Variants in CRPPA observed in about 807,000 individuals in gnomAD.
CRPPA encodes the protein CDP-L-ribitol pyrophosphorylase A.
A neutral mutation model predicts 52.0 loss-of-function variants in CRPPA; 43 were observed. The observed-to-expected ratio is 0.83, with a 90% CI of 0.65 to 1.07. CRPPA has a LOEUF of 1.07. CRPPA is among the 50% of genes least tolerant of loss of function. CRPPA has a pLI of 0.00. For missense variants in CRPPA, 629 were observed against 551.7 expected (o/e 1.14, Z -1.40); for synonymous variants, 250 against 203.5 (o/e 1.23, Z -1.94).
chr7:16,403,167 T>G (rs1787866597), intron 2 of CRPPA, among the ~76,000 whole-genome samples: 1 of 152,126 alleles, frequency 6.6e-6, no homozygotes, highest in South Asian at 2.1e-4. Context: ...GACTTAGAAT[T>G]TTATACCCAG....
chr7:16,421,028 C>A, intron 1 of CRPPA, 38 bp downstream of exon 1: 1 of 1,263,848 alleles, frequency 7.9e-7, no homozygotes. Context: ...GGAGGCCGGG[C>A]CCCAGGGAAC....
intron 8 of CRPPA, among the ~76,000 whole-genome samples, chr7:16,254,810 AAAGAAAG>A (rs1783580148): frequency 2.0e-5 from 3 of 146,548 alleles, no homozygotes; most frequent in Non-Finnish European, 4.6e-5. Context: ...AGAAAGAAAG[AAAGAAAG>A]AAAGAAAGAA....
chr7:16,247,387 C>T (rs774579230), intron 8 of CRPPA, among the ~76,000 whole-genome samples: 33 of 152,060 alleles, frequency 2.2e-4, no homozygotes, highest in Non-Finnish European at 2.1e-4. Flanking sequence ...TGTTTTGTTT[C>T]AGGGAATAGG....
intron 3 of CRPPA, among the ~76,000 whole-genome samples, chr7:16,311,183 A>T (rs1048593241): frequency 1.3e-5 from 2 of 152,090 alleles, no homozygotes; most frequent in Non-Finnish European, 2.9e-5. Context: ...TTGACACATC[A>T]TTATCATTCA....
intron 9 of CRPPA, among the ~76,000 whole-genome samples, chr7:16,097,467 A>T (rs1583352529): frequency 5.9e-5 from 9 of 152,286 alleles, no homozygotes; most frequent in African/African-American, 1.9e-4. Flanking sequence ...ACCACCTATA[A>T]TTTCAAGTTT....
In CRPPA at chr7:16,258,392, AAAC is replaced by A. The variant is rs587777798; in HGVS notation, c.1114_1116del (p.Val372del). The A allele has an allele frequency of 2.7e-5, 42 of 1,580,142 alleles. No homozygotes were observed. The highest frequency in any genetic ancestry group is 8.0e-5 in the South Asian group (7 of 87,364). On this transcript the variant is annotated inframe_deletion, in exon 8 of 10. Transcript: ENST00000407010. The stretch of plus-strand genomic sequence containing the variant: ...AAATCTGCATTAATTTCACTTACTG[AAAC>A]AACAACAACAGGATATAAAATGCAA...
At chr7:16,365,731 C>A (rs763786102) in intron 3 of CRPPA, among the ~76,000 whole-genome samples, 1 of 152,062 alleles carries the variant, frequency 6.6e-6, no homozygotes. Flanking sequence ...AACCATGATA[C>A]GGACAAGAAC....
At chr7:16,137,796 AACAATTC>A (rs1261099966) in intron 9 of CRPPA, among the ~76,000 whole-genome samples, 1 of 152,192 alleles carries the variant, frequency 6.6e-6, no homozygotes, top group African/African-American at 2.4e-5. Context: ...AAACTTAATA[AACAATTC>A]AGCACCAGAC....
chr7:16,145,653 A>AC (rs1364786052), intron 9 of CRPPA, among the ~76,000 whole-genome samples: 2 of 152,004 alleles, frequency 1.3e-5, no homozygotes, highest in East Asian at 1.9e-4. Flanking sequence ...AAAAAAAAAA[A>AC]CAGAAACCTT....
At chr7:16,416,065 C>T (rs1186231239) in intron 1 of CRPPA, among the ~76,000 whole-genome samples, 1 of 152,084 alleles carries the variant, frequency 6.6e-6, no homozygotes, top group African/African-American at 2.4e-5. Flanking sequence ...AGTGAGATAG[C>T]AAAAGTTTGG....
rs957881794 is a variant in CRPPA at position 16,293,659 on chromosome 7, A to T, written c.835+7762T>A. ...ACAAATAAAGACATGCAAGAAAACC[A>T]TACACGCCCACACTGAAAGGTCAAA... On this transcript the variant is annotated intron_variant, in intron 5 of 9. Transcript: ENST00000407010. Among the ~76,000 whole-genome samples the T allele has an allele frequency of 2.0e-5, 3 of 152,102 alleles. No homozygotes were observed. In the East Asian group the frequency reaches 5.8e-4, roughly 29 times the overall value.
intron 9 of CRPPA, among the ~76,000 whole-genome samples, chr7:16,189,766 G>T (rs1467957937): frequency 6.6e-6 from 1 of 152,160 alleles, no homozygotes; most frequent in African/African-American, 2.4e-5. Flanking sequence ...CAGAGGAATA[G>T]TTCTTCTGAG....
intron 8 of CRPPA, among the ~76,000 whole-genome samples, chr7:16,221,455 C>G (rs1352732617): frequency 6.6e-6 from 1 of 152,096 alleles, no homozygotes; most frequent in African/African-American, 2.4e-5. Context: ...GGGATCTGAT[C>G]AAACTAAAGA....
chr7:16,291,404 T>C (rs1784561933), intron 5 of CRPPA, among the ~76,000 whole-genome samples: 1 of 151,964 alleles, frequency 6.6e-6, no homozygotes, highest in African/African-American at 2.4e-5. Flanking sequence ...TACTGAGTCA[T>C]AAAAATGAAT....
At chr7:16,251,005 C>T (rs746170798) in intron 8 of CRPPA, among the ~76,000 whole-genome samples, 7 of 151,462 alleles carry the variant, frequency 4.6e-5, no homozygotes, top group Non-Finnish European at 8.8e-5. Flanking sequence ...GACATACATA[C>T]ACTCAAAATA....
chr7:16,289,188 AT>A (rs1469198685), intron 5 of CRPPA, among the ~76,000 whole-genome samples: 4 of 152,162 alleles, frequency 2.6e-5, no homozygotes, highest in Admixed American at 6.5e-5. Context: ...ATGAATAATT[AT>A]TAACGAGATT....
At position 16,397,729 on chromosome 7, in the gene CRPPA, CAT is replaced by C. The variant is rs747102874; in HGVS notation, c.534+8330_534+8331del. Among the ~76,000 whole-genome samples, 79 of 152,334 alleles carry C rather than the reference CAT, an allele frequency of 5.2e-4. 1 individual carries two copies. The highest frequency in any genetic ancestry group is 1.6e-3 in the African/African-American group (65 of 41,582). On this transcript the variant is annotated intron_variant, in intron 2 of 9. Coordinates refer to ENST00000407010, the MANE Select transcript of CRPPA (RefSeq NM_001101426.4). The stretch of plus-strand genomic sequence containing the variant: ...ATTGACATGCGACCAACGTTTGAGA[CAT>C]GTGACTGACGCGAATGACACGATTG...
intron 9 of CRPPA, among the ~76,000 whole-genome samples, chr7:16,114,570 C>T (rs139171076): frequency 9.6e-4 from 146 of 152,014 alleles, no homozygotes; most frequent in African/African-American, 3.3e-3. Context: ...AATACTAAAA[C>T]GTGTGAATAA....
chr7:16,321,876 A>T (rs1239970916), intron 3 of CRPPA, among the ~76,000 whole-genome samples: 1 of 152,164 alleles, frequency 6.6e-6, no homozygotes, highest in Non-Finnish European at 1.5e-5. Flanking sequence ...CAGGCAATAT[A>T]CTAAGTCCTG....
Sources: allele counts gnomAD v4.1 joint callset (sites outside exome capture counted in the v4.1 genomes callset), GRCh38; gene constraint gnomAD v4.1.1; transcripts MANE v1.5; gene names NCBI Gene and HGNC (gene_info 2026-07-23, HGNC 2026-07-21).